GALNT13: variants seen among roughly 807,000 people sequenced by gnomAD.
The protein encoded by GALNT13 is UDP-GalNAc:polypeptide N-acetylgalactosaminyltransferase 13.
In GALNT13, 28 loss-of-function variants were observed where a neutral mutation model predicts 64.2. That is an observed-to-expected ratio of 0.44 (90% CI 0.32 to 0.60). The LOEUF is 0.60. Among genes scored for constraint, GALNT13 ranks in the 20% least tolerant of loss-of-function variants. The probability of loss-of-function intolerance (pLI) is 0.05; values close to 1 mark genes in which losing one functional copy is unlikely to be tolerated. For missense variants in GALNT13, 577 were observed against 669.8 expected (o/e 0.86, Z 1.53); for synonymous variants, 214 against 224.6 (o/e 0.95, Z 0.42).
the GALNT13 span, among the ~76,000 whole-genome samples, chr2:153,623,757 CAG>C: frequency 2.0e-5 from 3 of 151,838 alleles, no homozygotes; most frequent in African/African-American, 7.3e-5. Flanking sequence ...ACAAGTATAT[CAG>C]AGGTAAAATT....
At chr2:153,208,947 G>A in the GALNT13 span, among the ~76,000 whole-genome samples, 1 of 138,438 alleles carries the variant, frequency 7.2e-6, no homozygotes, top group Non-Finnish European at 1.6e-5. Context: ...TTTACATTTA[G>A]ATCTGTGATG....
chr2:153,528,864 C>G, the GALNT13 span, among the ~76,000 whole-genome samples: 1 of 151,804 alleles, frequency 6.6e-6, no homozygotes, highest in Non-Finnish European at 1.5e-5. Context: ...TGAAAATTTT[C>G]TTGAAACAAA....
intron 3 of GALNT13, among the ~76,000 whole-genome samples, chr2:154,070,030 G>A (rs1700664229): frequency 6.6e-6 from 1 of 152,054 alleles, no homozygotes; most frequent in Admixed American, 6.6e-5. Context: ...ATTAATAACA[G>A]CAATAAGACT....
the GALNT13 span, among the ~76,000 whole-genome samples, chr2:153,384,527 G>A: frequency 2.6e-4 from 39 of 152,072 alleles, no homozygotes; most frequent in Non-Finnish European, 2.4e-4. Context: ...GGAGATGCCT[G>A]CCACTCATTC....
the GALNT13 span, among the ~76,000 whole-genome samples, chr2:153,489,109 G>C: frequency 6.6e-6 from 1 of 152,076 alleles, no homozygotes; most frequent in East Asian, 1.9e-4. Flanking sequence ...AATAGACATC[G>C]GAGACCAGAA....
At chr2:154,358,566 G>T (rs1040496992) in intron 9 of GALNT13, among the ~76,000 whole-genome samples, 3 of 151,922 alleles carry the variant, frequency 2.0e-5, no homozygotes, top group South Asian at 2.1e-4. Context: ...AAAATGGGAG[G>T]TTTATACAAT....
At chr2:153,139,481 A>C in the GALNT13 span, among the ~76,000 whole-genome samples, 1 of 152,004 alleles carries the variant, frequency 6.6e-6, no homozygotes, top group Non-Finnish European at 1.5e-5. Flanking sequence ...GCAGAAAAAG[A>C]AGAGATTGCC....
At chr2:154,295,234 T>A (rs918476222) in intron 8 of GALNT13, among the ~76,000 whole-genome samples, 1 of 152,018 alleles carries the variant, frequency 6.6e-6, no homozygotes, top group Admixed American at 6.6e-5. Context: ...ATGACTTTTT[T>A]CCCCCCAATT....
chr2:153,998,229 A>C (rs768710606), intron 3 of GALNT13, among the ~76,000 whole-genome samples: 2 of 152,158 alleles, frequency 1.3e-5, no homozygotes, highest in Admixed American at 1.3e-4. Flanking sequence ...ACTGTCTTCC[A>C]CAATGGTTGA....
At chr2:154,447,623 A>G (rs182300834) in intron 12 of GALNT13, among the ~76,000 whole-genome samples, 98 of 152,122 alleles carry the variant, frequency 6.4e-4, no homozygotes, top group East Asian at 2.1e-3. Flanking sequence ...CAGATGAACC[A>G]CTTAAAGATT....
the GALNT13 span, among the ~76,000 whole-genome samples, chr2:153,681,618 A>G: frequency 6.6e-6 from 1 of 151,728 alleles, no homozygotes; most frequent in African/African-American, 2.4e-5. Context: ...CTCTCTCCTC[A>G]GAGAAGTCTT....
intron 3 of GALNT13, among the ~76,000 whole-genome samples, chr2:153,962,639 A>C (rs1431619266): frequency 1.3e-5 from 2 of 152,214 alleles, no homozygotes; most frequent in African/African-American, 4.8e-5. Context: ...CTTTGGGAAT[A>C]ATTAAGGAAC....
At chr2:153,932,357 C>T (rs1174675562) in intron 2 of GALNT13, among the ~76,000 whole-genome samples, 2 of 151,562 alleles carry the variant, frequency 1.3e-5, no homozygotes, top group South Asian at 2.1e-4. Flanking sequence ...TTGTTTTACT[C>T]GTTCCTTTAG....
At chr2:153,115,548 A>G in the GALNT13 span, among the ~76,000 whole-genome samples, 2 of 152,282 alleles carry the variant, frequency 1.3e-5, no homozygotes, top group South Asian at 2.1e-4. Context: ...TATTTCCTTT[A>G]GCGCACAAGG....
chr2:153,989,269 T>C (rs1053025614), intron 3 of GALNT13, among the ~76,000 whole-genome samples: 13 of 152,094 alleles, frequency 8.5e-5, no homozygotes, highest in African/African-American at 3.1e-4. Context: ...GCATTGTATA[T>C]GTTTCAAACT....
At chr2:154,060,376 G>A (rs1700113214) in intron 3 of GALNT13, among the ~76,000 whole-genome samples, 1 of 152,068 alleles carries the variant, frequency 6.6e-6, no homozygotes, top group Non-Finnish European at 1.5e-5. Context: ...ATGTTTTTAA[G>A]ACAGAGTTTC....
the GALNT13 span, chr2:153,478,422 C>T: frequency 6.2e-7 from 1 of 1,614,094 alleles, no homozygotes; most frequent in Non-Finnish European, 8.5e-7. Context: ...ACAGGCTACG[C>T]TCGTCCGGGC....
chr2:154,122,279 A>AT (rs1441636071), intron 3 of GALNT13, among the ~76,000 whole-genome samples: 1 of 151,936 alleles, frequency 6.6e-6, no homozygotes, highest in Admixed American at 6.6e-5. Context: ...GTAATCTAGG[A>AT]TAAAAAATAG....
At chr2:153,649,312 C>G in the GALNT13 span, among the ~76,000 whole-genome samples, 2 of 152,048 alleles carry the variant, frequency 1.3e-5, no homozygotes, top group Non-Finnish European at 2.9e-5. Flanking sequence ...GTGGTGATAT[C>G]CCCTTTATCA....
Sources: allele counts gnomAD v4.1 joint callset (sites outside exome capture counted in the v4.1 genomes callset), GRCh38; gene constraint gnomAD v4.1.1; transcripts MANE v1.5; gene names NCBI Gene and HGNC (gene_info 2026-07-23, HGNC 2026-07-21).